The following GSTZ1 variants were observed in gnomAD, a reference collection of about 807,000 sequenced individuals.
GSTZ1 encodes maleylacetoacetate isomerase.
A neutral mutation model predicts 35.9 loss-of-function variants in GSTZ1; 34 were observed. That is an observed-to-expected ratio of 0.95 (90% CI 0.72 to 1.26). The LOEUF (loss-of-function observed/expected upper bound fraction) is 1.26. Ranked by LOEUF, GSTZ1 falls within the 50% of genes most tolerant of loss-of-function variation. The pLI is 0.00. For missense variants in GSTZ1, 263 were observed against 271.7 expected (o/e 0.97, Z 0.23); for synonymous variants, 93 against 101.2 (o/e 0.92, Z 0.49).
rs1566675752 is a variant in GSTZ1 at position 77,329,772 on chromosome 14, C to T, written c.439C>T (p.Gln147Ter). 6.2e-7 allele frequency: 1 copy of T among 1,613,846 alleles called. No homozygotes were observed. The highest frequency in any genetic ancestry group is 2.2e-5 in the East Asian group (1 of 44,864). The change falls in exon 7 of 9, where the codon CAG becomes TAG. Residue 147 changes from glutamine to a stop codon, truncating the protein, a stop_gained. Transcript: ENST00000216465. LOFTEE classifies it high-confidence loss of function. ...CGFNALEQIL[Q>*]STAGIYCVGD... ...CCCCACAGCCCTGGAGCAGATCCTA[C>T]AGAGCACAGCGGGCATATACTGTGT...
In GSTZ1 at chr14:77,321,397, A is replaced by C. The variant is rs1249728156; in HGVS notation, c.15+214A>C. On this transcript the variant is annotated intron_variant, in intron 1 of 8. Transcript: ENST00000216465. ...TTGGGCCAGAGGAGGCGGTCCTGGT[A>C]GGGAGTGCGTAGCAGGGTGGAGTCG... 6 of 1,529,416 alleles carry C rather than the reference A, an allele frequency of 3.9e-6. No homozygotes were observed. In the Admixed American group the frequency reaches 5.9e-5, roughly 15 times the overall value. 94.7% of individuals were successfully genotyped at this position (1,529,416 alleles called of 1,614,324 possible).
chr14:77,325,126 G>T, intron 2 of GSTZ1: 3 of 586,066 alleles, frequency 5.1e-6, no homozygotes, highest in Non-Finnish European at 9.3e-6. Context: ...TGGGAGGAAG[G>T]GGGTTGTTTT....
chr14:77,330,747 G>A (rs185613282), intron 8 of GSTZ1, among the ~76,000 whole-genome samples: 165 of 152,250 alleles, frequency 1.1e-3, no homozygotes, highest in African/African-American at 3.8e-3. Context: ...CATGCTAGGC[G>A]TTAGGGATAT....
Position 77,323,421 on chromosome 14 carries a change from A to G in GSTZ1, c.16-1449A>G, listed in dbSNP as rs376348734. The G allele has an allele frequency of 1.1e-4, 17 of 152,212 alleles. No individual in the cohort carries two copies. In the East Asian group the frequency reaches 2.9e-3, roughly 26 times the overall value. 9.4% of individuals were successfully genotyped at this position (152,212 alleles called of 1,614,324 possible). A position where few individuals can be genotyped will look rare whatever the true frequency, so the allele number is the denominator to read the frequency against. On this transcript the variant is annotated intron_variant, in intron 1 of 8. Transcript: ENST00000216465. ...GAGGGCAGTGACACGATCTTGGCTC[A>G]CTGTATCCTCCGCCTCCTGGGTTCA... is the stretch of plus-strand genomic sequence containing the variant.
At chr14:77,328,084 A>C in intron 5 of GSTZ1, 47 bp downstream of exon 5, 1 of 1,604,626 alleles carries the variant, frequency 6.2e-7, no homozygotes, top group Non-Finnish European at 8.5e-7. Flanking sequence ...ACACACTCTT[A>C]CACTCACACA....
chr14:77,322,631 G>C (rs1892082139), intron 1 of GSTZ1: 1 of 984,730 alleles, frequency 1.0e-6, no homozygotes, highest in Non-Finnish European at 1.2e-6. Context: ...CTCCAAATAA[G>C]GAAGATCCAG....
chr14:77,329,588 ATCCCTAACAGCTC>A, intron 6 of GSTZ1, 154 bp from the exon 7 acceptor site: 1 of 639,864 alleles, frequency 1.6e-6, no homozygotes, highest in Admixed American at 2.6e-5. Context: ...ACAGCAGCTC[ATCCCTAACAGCTC>A]TCTCGAGACC....
At chr14:77,322,619 A>G (rs1053339840) in intron 1 of GSTZ1, 1 of 984,768 alleles carries the variant, frequency 1.0e-6, no homozygotes. Flanking sequence ...AGGGAGTTGC[A>G]TCTCCAAATA....
chr14:77,327,063 G>A, intron 3 of GSTZ1, 158 bp downstream of exon 3: 3 of 640,204 alleles, frequency 4.7e-6, no homozygotes, highest in Non-Finnish European at 8.4e-6. Context: ...GGACAAGGTG[G>A]CAAGGTGTGC....
chr14:77,324,528 C>T lies in GSTZ1; in HGVS notation c.16-342C>T, dbSNP rs934815817. The T allele has an allele frequency of 3.6e-6, 5 of 1,378,768 alleles. No individual in the cohort carries two copies. The African/African-American group carries it at 5.7e-5, about 16-fold the overall frequency. 85.4% of individuals were successfully genotyped at this position (1,378,768 alleles called of 1,614,324 possible). ...CCCCATTGGCTCCTGAAATCCACCC[C>T]TTTAGGTTTCCTTTCCCTGCTCAGA... On this transcript the variant is annotated intron_variant, in intron 1 of 8. Coordinates refer to ENST00000216465, the MANE Select transcript of GSTZ1 (RefSeq NM_145870.3).
chr14:77,328,814 TGTG>T, intron 5 of GSTZ1: 1 of 417,314 alleles, frequency 2.4e-6, no homozygotes, highest in Non-Finnish European at 4.5e-6. Context: ...GGCCTCGAGT[TGTG>T]GGCACACCTG....
intron 5 of GSTZ1, chr14:77,328,275 T>C: frequency 1.9e-6 from 1 of 524,794 alleles, no homozygotes; most frequent in Non-Finnish European, 3.4e-6. Flanking sequence ...CATGTACAGG[T>C]GCTTGGGGTG....
intron 5 of GSTZ1, chr14:77,328,342 G>C (rs576918785): frequency 2.5e-6 from 1 of 397,092 alleles, no homozygotes; most frequent in East Asian, 5.1e-5. Context: ...CAGGCCTCCT[G>C]CCTTTAACCA....
At chr14:77,321,509 C>A in intron 1 of GSTZ1, 1 of 1,362,916 alleles carries the variant, frequency 7.3e-7, no homozygotes, top group Admixed American at 2.9e-5. Context: ...AACGTCGCCC[C>A]AAGCCTCCCA....
Position 77,326,909 on chromosome 14 carries a change from A to T in GSTZ1, c.135+4A>T, listed in dbSNP as rs768806789. On this transcript the variant is annotated splice_donor_region_variant and intron_variant, in intron 3 of 8. Coordinates refer to ENST00000216465, the MANE Select transcript of GSTZ1 (RefSeq NM_145870.3). ...CATAAAGGATGGGGGCCAACAGGTA[A>T]GAAGGCTGTGCCCAGACCACAATGT... 3 of 1,594,566 alleles carry T rather than the reference A, an allele frequency of 1.9e-6. No individual in the cohort carries two copies. Among genetic ancestry groups the T allele is most frequent in the Non-Finnish European group, 2.6e-6 (3 of 1,166,680 alleles).
At chr14:77,322,654 A>T in intron 1 of GSTZ1, 1 of 985,286 alleles carries the variant, frequency 1.0e-6, no homozygotes, top group South Asian at 4.7e-5. Context: ...GTGGCCACCC[A>T]ATTCCTCCTC....
chr14:77,325,068 A>AC, intron 2 of GSTZ1, 147 bp downstream of exon 2: 1 of 691,918 alleles, frequency 1.4e-6, no homozygotes, highest in Non-Finnish European at 2.6e-6. Flanking sequence ...GGCTCCTAGA[A>AC]CCCCCATCCC....
intron 6 of GSTZ1, 130 bp from the exon 7 acceptor site, chr14:77,329,625 C>A: frequency 1.3e-6 from 1 of 744,410 alleles, no homozygotes; most frequent in South Asian, 1.5e-5. Flanking sequence ...CTGCCACATT[C>A]TCACCAGCAG....
intron 4 of GSTZ1, 78 bp downstream of exon 4, chr14:77,327,630 G>C: frequency 1.0e-6 from 1 of 989,518 alleles, no homozygotes; most frequent in Non-Finnish European, 1.6e-6. Context: ...TTCCTCGCCT[G>C]TGTACAGTCA....
Sources: allele counts gnomAD v4.1 joint callset (sites outside exome capture counted in the v4.1 genomes callset), GRCh38; gene constraint gnomAD v4.1.1; transcripts MANE v1.5; gene names NCBI Gene and HGNC (gene_info 2026-07-23, HGNC 2026-07-21).